Variants in PRKAR2A observed in about 807,000 individuals in gnomAD.
The protein encoded by PRKAR2A is cAMP-dependent protein kinase type II-alpha regulatory subunit.
A neutral mutation model predicts 51.9 loss-of-function variants in PRKAR2A; 29 were observed. The observed-to-expected ratio is 0.56, with a 90% CI of 0.42 to 0.76. The LOEUF is 0.76. PRKAR2A is among the 30% of genes least tolerant of loss of function. PRKAR2A has a pLI of 0.00. For synonymous variants in PRKAR2A, 178 were observed against 186.2 expected, an observed-to-expected ratio of 0.96 and a Z score of 0.36; for missense variants, 445 against 512.1, an observed-to-expected ratio of 0.87 and a Z score of 1.26.
intron 3 of PRKAR2A, among the ~76,000 whole-genome samples, chr3:48,792,394 C>T (rs1575886076): frequency 6.6e-6 from 1 of 151,154 alleles, no homozygotes; most frequent in African/African-American, 2.4e-5. Context: ...CCTGCCTCGG[C>T]CTCCCAAAGT....
rs1431784265 is a variant in PRKAR2A at position 48,827,520 on chromosome 3, CAG to C, written c.262+19813_262+19814del. On this transcript the variant is annotated intron_variant, in intron 1 of 10. Transcript: ENST00000265563. ...CAATTTCATCATTCTGCAAACATTA[CAG>C]AGTGTACTTACACAAACCTAGATGG... Among the ~76,000 whole-genome samples the C allele has an allele frequency of 3.3e-5, 5 of 152,264 alleles. No individual in the cohort carries two copies. The East Asian group carries it at 9.6e-4, about 29-fold the overall frequency.
intron 4 of PRKAR2A, among the ~76,000 whole-genome samples, chr3:48,789,725 G>C (rs1044028895): frequency 6.6e-6 from 1 of 151,702 alleles, no homozygotes; most frequent in East Asian, 1.9e-4. Flanking sequence ...CACCCACCTC[G>C]GCCTCCCAGA....
intron 5 of PRKAR2A, among the ~76,000 whole-genome samples, chr3:48,779,084 T>C (rs1278880686): frequency 6.6e-6 from 1 of 151,416 alleles, no homozygotes; most frequent in Non-Finnish European, 1.5e-5. Context: ...ACCTGGGCCT[T>C]CTAAAGTGCT....
chr3:48,824,615 C>T (rs2107415426), intron 1 of PRKAR2A, among the ~76,000 whole-genome samples: 1 of 151,640 alleles, frequency 6.6e-6, no homozygotes, highest in African/African-American at 2.4e-5. Context: ...GAACCCTGCA[C>T]ATGTACCTCC....
intron 2 of PRKAR2A, 104 bp from the exon 3 acceptor site, chr3:48,794,153 T>C (rs921529375): frequency 3.3e-5 from 30 of 899,114 alleles, no homozygotes; most frequent in Admixed American, 8.5e-5. Context: ...TGTTTTCTTT[T>C]CTTTTTTTTT....
intron 2 of PRKAR2A, among the ~76,000 whole-genome samples, chr3:48,800,971 C>A (rs1030179176): frequency 6.6e-6 from 1 of 152,110 alleles, no homozygotes; most frequent in African/African-American, 2.4e-5. Context: ...CCGTGCCCAG[C>A]CAGGCACGGC....
chr3:48,808,475 G>T (rs1439098100), intron 1 of PRKAR2A, among the ~76,000 whole-genome samples: 2 of 152,186 alleles, frequency 1.3e-5, no homozygotes, highest in East Asian at 1.9e-4. Flanking sequence ...GGATGGTCTC[G>T]ATCTCCTGAC....
chr3:48,822,316 T>C (rs2082981106), intron 1 of PRKAR2A, among the ~76,000 whole-genome samples: 1 of 152,052 alleles, frequency 6.6e-6, no homozygotes, highest in Non-Finnish European at 1.5e-5. Context: ...GTGATGTTCC[T>C]TCCCTTTATA....
rs574549770 is a variant in PRKAR2A at position 48,832,523 on chromosome 3, G to T, written c.262+14812C>A. Among the ~76,000 whole-genome samples, 6 of 151,962 alleles carry T rather than the reference G, an allele frequency of 3.9e-5. 1 individual carries two copies. The highest frequency in any genetic ancestry group is 1.4e-4 in the African/African-American group (6 of 41,438). On this transcript the variant is annotated intron_variant, in intron 1 of 10. Transcript: ENST00000265563. Reference sequence around the variant, plus strand: ...CATATACTAAATTTTACTCCAAAGAGGAAAAATTACACAAGAAAAACTTAG... The same window carrying T: ...CATATACTAAATTTTACTCCAAAGATGAAAAATTACACAAGAAAAACTTAG...
At chr3:48,752,101 T>C in intron 10 of PRKAR2A, 75 bp downstream of exon 10, 1 of 1,518,670 alleles carries the variant, frequency 6.6e-7, no homozygotes, top group Admixed American at 2.0e-5. Context: ...TGGCAGAATA[T>C]GTCAAGGCTT....
At chr3:48,826,338 C>T (rs1401533012) in intron 1 of PRKAR2A, among the ~76,000 whole-genome samples, 1 of 152,172 alleles carries the variant, frequency 6.6e-6, no homozygotes, top group Admixed American at 6.5e-5. Context: ...CAGAAAAGCA[C>T]TGTATTTACA....
chr3:48,774,418 C>A (rs1442524837), intron 5 of PRKAR2A, among the ~76,000 whole-genome samples: 1 of 151,944 alleles, frequency 6.6e-6, no homozygotes, highest in Non-Finnish European at 1.5e-5. Context: ...AATCTCAGCA[C>A]TTTAGGAAGC....
At chr3:48,764,844 T>C (rs750474963) in intron 8 of PRKAR2A, among the ~76,000 whole-genome samples, 160 bp downstream of exon 8, 5 of 152,158 alleles carry the variant, frequency 3.3e-5, no homozygotes, top group Non-Finnish European at 7.4e-5. Flanking sequence ...AGGCTGGTCT[T>C]GAACTCCTGG....
intron 5 of PRKAR2A, among the ~76,000 whole-genome samples, chr3:48,781,308 A>G (rs2082193645): frequency 6.6e-6 from 1 of 150,888 alleles, no homozygotes; most frequent in Non-Finnish European, 1.5e-5. Context: ...TAATAAAGCA[A>G]AGGGAGTAGA....
intron 1 of PRKAR2A, among the ~76,000 whole-genome samples, chr3:48,828,919 T>A (rs1277744513): frequency 6.6e-6 from 1 of 151,696 alleles, no homozygotes; most frequent in African/African-American, 2.4e-5. Context: ...CTGCAACCTC[T>A]GCTTCCCAGG....
Position 48,832,320 on chromosome 3 carries a change from A to C in PRKAR2A, c.262+15015T>G, listed in dbSNP as rs1001589467. Among the ~76,000 whole-genome samples the C allele has an allele frequency of 7.2e-5, 11 of 151,886 alleles. No individual in the cohort carries two copies. The South Asian group carries it at 1.2e-3, about 17-fold the overall frequency. ...TCAAAAAAAAAAAAAACAAAAAAAA[A>C]CAAAACTGCTGACAAATTTCCAGGC... On this transcript the variant is annotated intron_variant, in intron 1 of 10. Coordinates refer to ENST00000265563, the MANE Select transcript of PRKAR2A (RefSeq NM_004157.4).
At chr3:48,833,425 T>C (rs940748336) in intron 1 of PRKAR2A, among the ~76,000 whole-genome samples, 7 of 152,118 alleles carry the variant, frequency 4.6e-5, no homozygotes, top group African/African-American at 1.4e-4. Flanking sequence ...AAATTGTTTC[T>C]TGCCAGGCGC....
intron 9 of PRKAR2A, among the ~76,000 whole-genome samples, chr3:48,755,243 G>C (rs1010803325): frequency 2.0e-5 from 3 of 151,856 alleles, no homozygotes; most frequent in African/African-American, 7.3e-5. Context: ...TGATCTGCCC[G>C]CCTCAGCCTC....
Position 48,772,942 on chromosome 3 carries a change from T to C in PRKAR2A, c.696+13A>G. 6.2e-7 allele frequency: 1 copy of C among 1,606,900 alleles called. No homozygotes were observed. Among genetic ancestry groups the C allele is most frequent in the Non-Finnish European group, 8.5e-7 (1 of 1,176,248 alleles). On this transcript the variant is annotated intron_variant, in intron 6 of 10. Transcript: ENST00000265563. ...TACTGTGCCTTGCAAGGGGAACGAT[T>C]TCTCTCACTCACCAGTCCCCAAAGG... is the stretch of plus-strand genomic sequence containing the variant.
Sources: gnomAD v4.1 joint callset for allele counts (sites outside exome capture counted in the v4.1 genomes callset) on GRCh38, gnomAD v4.1.1 for gene constraint, MANE v1.5 for transcripts, NCBI Gene and HGNC (gene_info 2026-07-23, HGNC 2026-07-21) for gene names.